BTD: variants seen among roughly 807,000 people sequenced by gnomAD.
BTD encodes the protein biotinidase.
BTD carries 13 observed loss-of-function variants against 17.7 expected under a neutral mutation model. The observed-to-expected ratio is 0.74, with a 90% CI of 0.48 to 1.17. The LOEUF is 1.17. BTD is among the 50% of genes most tolerant of loss of function. BTD has a pLI of 0.00. For missense variants in BTD, 674 were observed against 650.4 expected, an observed-to-expected ratio of 1.04 and a Z score of -0.39; for synonymous variants, 240 against 245.2, an observed-to-expected ratio of 0.98 and a Z score of 0.20.
At position 15,618,980 on chromosome 3, in the gene BTD, C is replaced by T. The variant is rs142171192; in HGVS notation, c.-16-16444C>T. On this transcript the variant is annotated intron_variant, in intron 1 of 3. Transcript: ENST00000643237. Reference sequence around the variant, plus strand: ...ATTAATTCATTCCAATTTTCTACATCGATGACAATTTCATCTGTGAACAAA... The same window carrying T: ...ATTAATTCATTCCAATTTTCTACATTGATGACAATTTCATCTGTGAACAAA... Among the ~76,000 whole-genome samples, 229 of 152,292 alleles carry T rather than the reference C, an allele frequency of 1.5e-3. 2 individuals carry two copies. Among genetic ancestry groups the T allele is most frequent in the African/African-American group, 5.1e-3 (210 of 41,576 alleles).
intron 3 of BTD, among the ~76,000 whole-genome samples, chr3:15,692,305 C>A (rs886247851): frequency 6.6e-6 from 1 of 151,940 alleles, no homozygotes; most frequent in African/African-American, 2.4e-5. Context: ...AAGAATTAGT[C>A]GGGAATGGTG....
intron 3 of BTD, among the ~76,000 whole-genome samples, chr3:15,698,445 A>C (rs1379199904): frequency 1.3e-5 from 2 of 152,242 alleles, no homozygotes; most frequent in African/African-American, 4.8e-5. Context: ...AGAGGAAGTC[A>C]AATTGTCTCT....
chr3:15,704,372 T>G (rs894935415), intron 3 of BTD, among the ~76,000 whole-genome samples: 2 of 152,078 alleles, frequency 1.3e-5, no homozygotes, highest in African/African-American at 4.8e-5. Context: ...CAGAGCAGAA[T>G]TATAATTACT....
At chr3:15,669,198 A>T (rs1419530771) in intron 3 of BTD, 1 of 152,234 alleles carries the variant, frequency 6.6e-6, no homozygotes, top group East Asian at 1.9e-4. Flanking sequence ...TAATTTATGA[A>T]CAACAAGGAA....
chr3:15,672,278 T>G (rs1436785156), intron 3 of BTD, among the ~76,000 whole-genome samples: 1 of 152,012 alleles, frequency 6.6e-6, no homozygotes, highest in African/African-American at 2.4e-5. Flanking sequence ...TGACTAGCTC[T>G]GACTATAGGC....
intron 3 of BTD, among the ~76,000 whole-genome samples, chr3:15,704,491 C>T (rs1335731591): frequency 6.6e-6 from 1 of 152,016 alleles, no homozygotes; most frequent in Non-Finnish European, 1.5e-5. Context: ...GTGATGCTGA[C>T]AGGGGATTTT....
intron 1 of BTD, among the ~76,000 whole-genome samples, chr3:15,625,300 C>T (rs1025280935): frequency 1.7e-4 from 26 of 152,236 alleles, no homozygotes; most frequent in African/African-American, 5.8e-4. Flanking sequence ...TATTTCCCTT[C>T]CCCCAGGTCA....
Position 15,679,711 on chromosome 3 carries a change from G to A in BTD, c.400-30349G>A, listed in dbSNP as rs750768458. On this transcript the variant is annotated intron_variant, in intron 3 of 3. Coordinates refer to the BTD transcript ENST00000672141. ...CCTCTCTGGAATATAACCATTGGTA[G>A]CTGTTAAGCCACCAGTAGTTCCTGA... The A allele has an allele frequency of 1.5e-4, 102 of 658,302 alleles. No individual in the cohort carries two copies. The Middle Eastern group carries it at 1.7e-3, about 11-fold the overall frequency. The allele number at this position is 658,302 out of a possible 1,614,324, so 40.8% of individuals were successfully genotyped here.
At chr3:15,619,229 G>C (rs906479551) in intron 1 of BTD, among the ~76,000 whole-genome samples, 29 of 152,314 alleles carry the variant, frequency 1.9e-4, no homozygotes, top group Middle Eastern at 3.4e-3. Flanking sequence ...GTAGTTTACT[G>C]AGAGTTATTA....
At chr3:15,701,186 C>T (rs552326070) in intron 3 of BTD, among the ~76,000 whole-genome samples, 69 of 152,310 alleles carry the variant, frequency 4.5e-4, no homozygotes, top group Admixed American at 2.6e-3. Context: ...AATGCTAACA[C>T]TTATTTCTTT....
rs1457640471 is a variant in BTD, at chr3:15,644,264, T to G, written c.400-52T>G. 3 of 1,557,908 alleles carry G rather than the reference T, an allele frequency of 1.9e-6. No homozygotes were observed. In the African/African-American group the frequency reaches 4.1e-5, roughly 21 times the overall value. ...ATCCACCCGCCTCAGCCTCCCACAG[T>G]GCTGGGATTACAGGCAAAAACCTCA... On this transcript the variant is annotated intron_variant, in intron 3 of 3. Transcript: ENST00000643237.
At chr3:15,662,105 C>G (rs1376277256) in intron 3 of BTD, among the ~76,000 whole-genome samples, 1 of 152,148 alleles carries the variant, frequency 6.6e-6, no homozygotes, top group East Asian at 1.9e-4. Flanking sequence ...GTTGGCTATT[C>G]TTGGCTTTTG....
At chr3:15,618,333 A>C (rs1229619689) in intron 1 of BTD, among the ~76,000 whole-genome samples, 1 of 152,160 alleles carries the variant, frequency 6.6e-6, no homozygotes, top group Non-Finnish European at 1.5e-5. Flanking sequence ...GATTGTGTTG[A>C]ATCTATAGAT....
rs1280614602 is a variant in BTD at position 15,646,023 on chromosome 3, A to G, written c.*535A>G. ...TCTAGCCAGATGAAATGGCAATGCT[A>G]GCGCCACCAGCAACGTCAGAAACGT... is the stretch of plus-strand genomic sequence containing the variant. On this transcript the variant is annotated 3_prime_UTR_variant, in exon 4 of 4. Transcript: ENST00000643237. 1.3e-5 allele frequency: 2 copies of G among 152,712 alleles called. No individual in the cohort carries two copies. Among genetic ancestry groups the G allele is most frequent in the Admixed American group, 1.3e-4 (2 of 15,322 alleles). The allele number at this position is 152,712 out of a possible 1,614,324, so 9.5% of individuals were successfully genotyped here.
intron 3 of BTD, chr3:15,678,162 G>C (rs2067152197): frequency 6.5e-7 from 1 of 1,535,470 alleles, no homozygotes; most frequent in Non-Finnish European, 8.8e-7. Flanking sequence ...TTATACATAA[G>C]TGATACACAT....
chr3:15,707,812 T>C (rs1410589013), intron 3 of BTD: 12 of 1,311,610 alleles, frequency 9.1e-6, no homozygotes, highest in Admixed American at 2.3e-5. Flanking sequence ...AGGGCAAAGA[T>C]AATCAACAAA....
chr3:15,689,882 C>T (rs1385567378), intron 3 of BTD: 4 of 731,016 alleles, frequency 5.5e-6, no homozygotes, highest in Non-Finnish European at 8.5e-6. Context: ...TTGGTGAGGT[C>T]AAATAATCCA....
At position 15,601,983 on chromosome 3, in the gene BTD, A is replaced by G. The variant is rs570872921; in HGVS notation, c.-17+89A>G. 76 of 1,570,090 alleles carry G rather than the reference A, an allele frequency of 4.8e-5. No individual in the cohort carries two copies. In the East Asian group the frequency reaches 9.5e-4, roughly 20 times the overall value. ...CCCGGGCGCCCAGTTGGACTTGGGG[A>G]GGGCTGCGCAAAGGCTGCCGGGAGC... On this transcript the variant is annotated intron_variant, in intron 1 of 3. Coordinates refer to ENST00000643237, the MANE Select transcript of BTD (RefSeq NM_001370658.1).
intron 3 of BTD, among the ~76,000 whole-genome samples, chr3:15,663,701 T>G (rs1428735267): frequency 6.6e-6 from 1 of 152,192 alleles, no homozygotes; most frequent in Non-Finnish European, 1.5e-5. Flanking sequence ...TGTGTCCTTT[T>G]TTTTCCCCCT....
Sources: allele counts gnomAD v4.1 joint callset (sites outside exome capture counted in the v4.1 genomes callset), GRCh38; gene constraint gnomAD v4.1.1; transcripts MANE v1.5; gene names NCBI Gene and HGNC (gene_info 2026-07-23, HGNC 2026-07-21).